Variants in GNA11 observed in about 807,000 individuals in gnomAD.
GNA11 encodes the protein guanine nucleotide-binding protein subunit alpha-11.
Under a neutral mutation model 38.2 loss-of-function variants are expected in GNA11, and 8 were observed. The observed-to-expected ratio is 0.21, with a 90% confidence interval of 0.12 to 0.38. The LOEUF is 0.38. Among genes scored for constraint, GNA11 ranks in the 10% least tolerant of loss-of-function variants. GNA11 has a pLI of 1.00. For synonymous variants in GNA11, 211 were observed against 221.4 expected, an observed-to-expected ratio of 0.95 and a Z score of 0.42; for missense variants, 268 against 516.3, an observed-to-expected ratio of 0.52 and a Z score of 4.66.
At chr19:3,105,041 G>A (rs1181374660) in intron 1 of GNA11, among the ~76,000 whole-genome samples, 1 of 151,842 alleles carries the variant, frequency 6.6e-6, no homozygotes, top group East Asian at 1.9e-4. Flanking sequence ...CAGGAACCTG[G>A]GGGTCTCACA....
Position 3,094,605 on chromosome 19 carries a change from C to CG in GNA11, c.-41dup. ...CTCCGGCCAGGGCCGGGCCGGGGGC[C>CG]GGGGGGCGGCGGCGGGCAGGCGGCC... is the stretch of plus-strand genomic sequence containing the variant. On this transcript the variant is annotated 5_prime_UTR_variant, in exon 1 of 7. Coordinates refer to ENST00000078429, the MANE Select transcript of GNA11 (RefSeq NM_002067.5). The surrounding 1 kb of genome is among the most constrained non-coding windows in gnomAD (Gnocchi z 6.0). 1.0e-6 allele frequency: 1 copy of CG among 994,348 alleles called. No homozygotes were observed. The highest frequency in any genetic ancestry group is 1.2e-6 in the Non-Finnish European group (1 of 815,114). The allele number at this position is 994,348 out of a possible 1,614,324, so 61.6% of individuals were successfully genotyped here.
chr19:3,108,715 A>G lies in GNA11; in HGVS notation c.137-1434A>G, dbSNP rs1251415256. On this transcript the variant is annotated intron_variant, in intron 1 of 6. Coordinates refer to ENST00000078429, the MANE Select transcript of GNA11 (RefSeq NM_002067.5). The surrounding 1 kb of genome is among the most constrained non-coding windows in gnomAD (Gnocchi z 4.5). ...AACTTAAATTAACAAAACTTATTTC[A>G]GATAGTTTCTGAGGGTTGGGAATGT... Among the ~76,000 whole-genome samples the G allele has an allele frequency of 6.6e-6, 1 of 152,230 alleles. No individual in the cohort carries two copies. The highest frequency in any genetic ancestry group is 1.5e-5 in the Non-Finnish European group (1 of 68,048).
intron 2 of GNA11, among the ~76,000 whole-genome samples, chr19:3,112,263 C>T (rs972253941): frequency 2.0e-5 from 3 of 152,174 alleles, no homozygotes; most frequent in African/African-American, 7.2e-5. Flanking sequence ...TTATCCCAGC[C>T]CAGATTGAGA....
Position 3,122,709 on chromosome 19 carries a change from T to G in GNA11, c.*1530T>G, listed in dbSNP as rs1317322551. On this transcript the variant is annotated 3_prime_UTR_variant, in exon 7 of 7. Transcript: ENST00000078429. The surrounding 1 kb of genome is among the most constrained non-coding windows in gnomAD (Gnocchi z 7.7). ...CACACCGGGACCCTGCACGGCTGCT[T>G]CTGGCCTCGACAGATGACAAAAGAA... The G allele has an allele frequency of 2.6e-5, 6 of 233,456 alleles. No homozygotes were observed. Among genetic ancestry groups the G allele is most frequent in the Non-Finnish European group, 5.1e-5 (6 of 118,324 alleles). The allele number at this position is 233,456 out of a possible 1,614,324, so 14.5% of individuals were successfully genotyped here.
At position 3,118,918 on chromosome 19, in the gene GNA11, T is replaced by C. The variant is rs371052478; in HGVS notation, c.606-6T>C. ...GTGGCTGAGTCCTGGCGCTGTGTCC[T>C]TTCAGGATGGTGGATGTGGGGGGCC... On this transcript the variant is annotated splice_polypyrimidine_tract_variant and splice_region_variant and intron_variant, in intron 4 of 6. Coordinates refer to ENST00000078429, the MANE Select transcript of GNA11 (RefSeq NM_002067.5). The C allele has an allele frequency of 2.8e-5, 45 of 1,607,148 alleles. 1 individual carries two copies. Among genetic ancestry groups the C allele is most frequent in the Middle Eastern group, 3.3e-4 (2 of 6,074 alleles).
rs979817831 is a variant in GNA11 at position 3,123,333 on chromosome 19, G to C, written c.*2154G>C. 3 of 233,346 alleles carry C rather than the reference G, an allele frequency of 1.3e-5. No homozygotes were observed. Among genetic ancestry groups the C allele is most frequent in the African/African-American group, 6.6e-5 (3 of 45,266 alleles). The allele number at this position is 233,346 out of a possible 1,614,324, so 14.5% of individuals were successfully genotyped here. On this transcript the variant is annotated 3_prime_UTR_variant, in exon 7 of 7. Coordinates refer to ENST00000078429, the MANE Select transcript of GNA11 (RefSeq NM_002067.5). Reference sequence around the variant, plus strand: ...AAAACGTCGTGGCCTGGATCCTCTGGGTCTGAGTGCCTGATCCCCTGCCCC... The same window carrying C: ...AAAACGTCGTGGCCTGGATCCTCTGCGTCTGAGTGCCTGATCCCCTGCCCC...
At chr19:3,099,983 C>T (rs1427162970) in intron 1 of GNA11, among the ~76,000 whole-genome samples, 1 of 151,368 alleles carries the variant, frequency 6.6e-6, no homozygotes, top group Non-Finnish European at 1.5e-5. Context: ...GATCCCCATC[C>T]TGCCGCACGT....
chr19:3,098,471 G>A (rs981059296), intron 1 of GNA11, among the ~76,000 whole-genome samples: 2 of 152,258 alleles, frequency 1.3e-5, no homozygotes, highest in Non-Finnish European at 2.9e-5. Flanking sequence ...CCCCCGTATA[G>A]TTCTTTGTGG....
chr19:3,110,587 A>G lies in GNA11; in HGVS notation c.321+254A>G, dbSNP rs217611. ...CCCTCCCAAGTAGCTGTGGGCGCCC[A>G]CATCCTGTGGGTGGGGAAGCTGAGG... On this transcript the variant is annotated intron_variant, in intron 2 of 6. Transcript: ENST00000078429. This position sits in a 1 kb window ranked among gnomAD's most constrained non-coding sequence, Gnocchi z 5.4. Among the ~76,000 whole-genome samples, 136,010 of 152,202 alleles carry G rather than the reference A, an allele frequency of 0.89. 61,065 individuals are homozygous for G. The highest frequency in any genetic ancestry group is 0.97 in the African/African-American group (40,528 of 41,568).
intron 1 of GNA11, among the ~76,000 whole-genome samples, chr19:3,099,993 T>TGG (rs1306011168): frequency 6.6e-6 from 1 of 152,138 alleles, no homozygotes; most frequent in Non-Finnish European, 1.5e-5. Flanking sequence ...CTGCCGCACG[T>TGG]GGGGACCCAC....
intron 1 of GNA11, among the ~76,000 whole-genome samples, chr19:3,109,638 G>A (rs572511029): frequency 6.6e-6 from 1 of 152,322 alleles, no homozygotes; most frequent in East Asian, 1.9e-4. Flanking sequence ...TGTGGCCGTG[G>A]CCGCTGAGCA....
rs755362063 is a variant in GNA11, at chr19:3,113,306, C to CCTCTCCCCT, written c.322-24_322-23insCTCTCCCCT. 5 of 1,611,326 alleles carry CCTCTCCCCT rather than the reference C, an allele frequency of 3.1e-6. No individual in the cohort carries two copies. The East Asian group carries it at 1.1e-4, about 36-fold the overall frequency. On this transcript the variant is annotated intron_variant, in intron 2 of 6. Coordinates refer to ENST00000078429, the MANE Select transcript of GNA11 (RefSeq NM_002067.5). Reference sequence around the variant, plus strand: ...ATGTGTGGCCCCAGCGAGCTCTCGACGTCTCCCCTGCCCGCCCTCGCAGGC... The same window carrying CCTCTCCCCT: ...ATGTGTGGCCCCAGCGAGCTCTCGACCTCTCCCCTGTCTCCCCTGCCCGCCCTCGCAGGC...
chr19:3,102,640 C>A (rs770101029), intron 1 of GNA11, among the ~76,000 whole-genome samples: 1 of 152,166 alleles, frequency 6.6e-6, no homozygotes, highest in Non-Finnish European at 1.5e-5. Flanking sequence ...CCTCAGTTTC[C>A]CCTCCAGTCA....
chr19:3,121,241 G>A lies in GNA11; in HGVS notation c.*62G>A. ...GCAGGACCTTCCTTCCACGGAGCCT[G>A]CGGCTGCCGGGCGGGTGGCGCTGCC... On this transcript the variant is annotated 3_prime_UTR_variant, in exon 7 of 7. Coordinates refer to ENST00000078429, the MANE Select transcript of GNA11 (RefSeq NM_002067.5). 1 of 1,372,906 alleles carries A rather than the reference G, an allele frequency of 7.3e-7. No individual in the cohort carries two copies. The highest frequency in any genetic ancestry group is 1.0e-6 in the Non-Finnish European group (1 of 988,578). 85.0% of individuals were successfully genotyped at this position (1,372,906 alleles called of 1,614,324 possible).
At chr19:3,096,825 G>C (rs572040555) in intron 1 of GNA11, among the ~76,000 whole-genome samples, 14 of 152,270 alleles carry the variant, frequency 9.2e-5, no homozygotes, top group Non-Finnish European at 1.6e-4. Flanking sequence ...GTGAGCTCAC[G>C]TGCGACCCAA....
chr19:3,117,177 C>T (rs887603963), intron 4 of GNA11: 1 of 152,242 alleles, frequency 6.6e-6, no homozygotes, highest in Non-Finnish European at 1.5e-5. Context: ...CACACGGGGC[C>T]CATGACCCCA....
chr19:3,112,005 C>T lies in GNA11; in HGVS notation c.322-1325C>T, dbSNP rs188800552. On this transcript the variant is annotated intron_variant, in intron 2 of 6. Transcript: ENST00000078429. ...GATCTCCATCAGCTTCTGAAACACG[C>T]ATCTGCAAACTGCAGACTGATTTTG... is the stretch of plus-strand genomic sequence containing the variant. Among the ~76,000 whole-genome samples the T allele has an allele frequency of 2.2e-4, 34 of 152,356 alleles. No individual in the cohort carries two copies. In the East Asian group the frequency reaches 4.4e-3, roughly 20 times the overall value.
intron 4 of GNA11, chr19:3,118,170 G>A (rs1913971842): frequency 6.6e-6 from 1 of 152,234 alleles, no homozygotes; most frequent in South Asian, 2.1e-4. Context: ...GCCTTCCCTG[G>A]GGCCTGGGGC....
Position 3,123,472 on chromosome 19 carries a change from C to A in GNA11, c.*2293C>A, listed in dbSNP as rs1914138305. 4.3e-6 allele frequency: 1 copy of A among 233,246 alleles called. No individual in the cohort carries two copies. Among genetic ancestry groups the A allele is most frequent in the African/African-American group, 2.2e-5 (1 of 45,372 alleles). 14.4% of individuals were successfully genotyped at this position (233,246 alleles called of 1,614,324 possible). On this transcript the variant is annotated 3_prime_UTR_variant, in exon 7 of 7. Coordinates refer to ENST00000078429, the MANE Select transcript of GNA11 (RefSeq NM_002067.5). ...CCCAGGGGCAAGGACAGCCAACCCC[C>A]ACCCTTGCCACGTGTGGGGCCACGT...
Sources: gnomAD v4.1 joint callset for allele counts (sites outside exome capture counted in the v4.1 genomes callset) on GRCh38, gnomAD v4.1.1 for gene constraint, Gnocchi (gnomAD v3.1) non-coding constraint, MANE v1.5 for transcripts, NCBI Gene and HGNC (gene_info 2026-07-23, HGNC 2026-07-21) for gene names.